Variants in UBAP2L observed in about 807,000 individuals in gnomAD.
The protein encoded by UBAP2L is ubiquitin associated protein 2 like, also known as ubiquitin-associated protein 2-like.
UBAP2L carries 12 observed loss-of-function variants against 130.6 expected under a neutral mutation model. The observed-to-expected ratio is 0.09, with a 90% CI of 0.06 to 0.15. The LOEUF is 0.15. UBAP2L is among the 10% of genes least tolerant of loss of function. UBAP2L has a pLI of 1.00. For missense variants in UBAP2L, 965 were observed against 1,332.5 expected (o/e 0.72, Z 4.29); for synonymous variants, 503 against 524.7 (o/e 0.96, Z 0.57).
chr1:154,239,041 G>A (rs557978083), intron 8 of UBAP2L, among the ~76,000 whole-genome samples: 3 of 151,332 alleles, frequency 2.0e-5, no homozygotes, highest in African/African-American at 4.8e-5. Context: ...ACGCCTGGTC[G>A]TTGTTAATTT....
At chr1:154,243,915 AAGTC>A (rs1185331806) in intron 10 of UBAP2L, among the ~76,000 whole-genome samples, 3 of 152,250 alleles carry the variant, frequency 2.0e-5, no homozygotes, top group African/African-American at 7.2e-5. Flanking sequence ...GTTTTGAAGT[AAGTC>A]AGGGAAAGAA....
intron 19 of UBAP2L, 25 bp downstream of exon 19, chr1:154,257,283 T>C (rs745733564): frequency 3.1e-6 from 5 of 1,614,192 alleles, no homozygotes; most frequent in Non-Finnish European, 4.2e-6. Flanking sequence ...GCAGATGGCA[T>C]TCCTCTGGGA....
chr1:154,226,088 A>G (rs1452585219), intron 2 of UBAP2L, among the ~76,000 whole-genome samples: 2 of 152,220 alleles, frequency 1.3e-5, no homozygotes, highest in Non-Finnish European at 2.9e-5. Context: ...TACTGGGATT[A>G]TAGGCATGAG....
intron 26 of UBAP2L, chr1:154,269,255 C>A: frequency 8.6e-7 from 1 of 1,168,608 alleles, no homozygotes; most frequent in Non-Finnish European, 1.2e-6. Flanking sequence ...CCTCTTTCCT[C>A]TCCCAGCCTT....
intron 20 of UBAP2L, 179 bp from the exon 21 acceptor site, chr1:154,258,798 C>T: frequency 1.9e-6 from 1 of 540,140 alleles, no homozygotes; most frequent in Non-Finnish European, 3.3e-6. Flanking sequence ...TTTCATGAAT[C>T]ATTTAATCTC....
chr1:154,263,284 T>C lies in UBAP2L; in HGVS notation c.2902+1587T>C. ...GGCCTGCGTGGCTTGGGGAAATGAG[T>C]TGGTGGATACCTTCTGGGCTTTTGA... On this transcript the variant is annotated intron_variant, in intron 24 of 26. Transcript: ENST00000428931. The C allele has an allele frequency of 1.3e-6, 2 of 1,487,884 alleles. 1 individual carries two copies. The highest frequency in any genetic ancestry group is 2.7e-5 in the South Asian group (2 of 74,452). 92.2% of individuals were successfully genotyped at this position (1,487,884 alleles called of 1,614,324 possible). A position where few individuals can be genotyped will look rare whatever the true frequency, so the allele number is the denominator to read the frequency against.
chr1:154,254,243 T>C (rs1678860583), intron 15 of UBAP2L, among the ~76,000 whole-genome samples, 154 bp downstream of exon 15: 1 of 152,230 alleles, frequency 6.6e-6, no homozygotes, highest in Non-Finnish European at 1.5e-5. Context: ...GGCTAGTGAA[T>C]TAAAAGTTCT....
intron 3 of UBAP2L, among the ~76,000 whole-genome samples, chr1:154,228,275 C>T (rs1668641340): frequency 6.6e-6 from 1 of 151,934 alleles, no homozygotes; most frequent in Non-Finnish European, 1.5e-5. Context: ...GCAACCTCCG[C>T]CTCCTGGGTT....
intron 10 of UBAP2L, 42 bp from the exon 11 acceptor site, chr1:154,246,161 TG>T: frequency 6.5e-7 from 1 of 1,534,734 alleles, no homozygotes; most frequent in Non-Finnish European, 8.8e-7. Context: ...AATGTTAGCG[TG>T]TTCAGTCATT....
intron 12 of UBAP2L, 120 bp downstream of exon 12, chr1:154,249,557 T>A: frequency 2.5e-6 from 3 of 1,183,834 alleles, no homozygotes; most frequent in Non-Finnish European, 3.6e-6. Flanking sequence ...GCTAGTTGGT[T>A]ACCTTCCCAC....
At chr1:154,243,990 A>G (rs894460406) in intron 10 of UBAP2L, among the ~76,000 whole-genome samples, 1 of 152,202 alleles carries the variant, frequency 6.6e-6, no homozygotes, top group Non-Finnish European at 1.5e-5. Context: ...TCAGCAGTTT[A>G]TTCTCCTGTT....
At chr1:154,261,219 T>G (rs1454257969) in intron 23 of UBAP2L, 110 bp downstream of exon 23, 2 of 1,280,470 alleles carry the variant, frequency 1.6e-6, no homozygotes, top group Admixed American at 5.2e-5. Flanking sequence ...GAGGAACAGT[T>G]TCCACCTCTG....
At chr1:154,266,383 C>T (rs764768736) in intron 24 of UBAP2L, 118 bp from the exon 25 acceptor site, 21 of 1,102,004 alleles carry the variant, frequency 1.9e-5, no homozygotes, top group Non-Finnish European at 2.4e-5. Flanking sequence ...GCTGGAAAAC[C>T]GACCAAAATT....
intron 21 of UBAP2L, 169 bp from the exon 22 acceptor site, chr1:154,259,779 A>G (rs1680925781): frequency 3.8e-6 from 3 of 788,438 alleles, no homozygotes; most frequent in Non-Finnish European, 6.7e-6. Context: ...CAGGGGGGAC[A>G]GTGTATGCAA....
intron 1 of UBAP2L, among the ~76,000 whole-genome samples, chr1:154,224,675 C>T (rs1024213117): frequency 2.0e-5 from 3 of 152,208 alleles, no homozygotes; most frequent in African/African-American, 4.8e-5. Flanking sequence ...AAAATTATTT[C>T]TCTGGAGTGT....
chr1:154,251,710 C>G, intron 14 of UBAP2L, 57 bp downstream of exon 14: 1 of 1,592,260 alleles, frequency 6.3e-7, no homozygotes, highest in Non-Finnish European at 8.6e-7. Context: ...CTTTTTTAAT[C>G]TGTGGGAGAT....
chr1:154,246,296 A>G lies in UBAP2L; in HGVS notation c.935A>G (p.Gln312Arg), dbSNP rs768081640. 1 of 1,613,850 alleles carries G rather than the reference A, an allele frequency of 6.2e-7. No homozygotes were observed. Among genetic ancestry groups the G allele is most frequent in the Non-Finnish European group, 8.5e-7 (1 of 1,179,940 alleles). ...LDPSQAPSLA[Q>R]PLVFSNSKQT... The stretch of plus-strand genomic sequence containing the variant: ...CCGTCTCAGGCTCCTTCTCTGGCCC[A>G]GCCTCTGGTGTTCAGTAATTCGAAG... Residue 312 changes from glutamine (Q) to arginine (R), a missense_variant, in exon 11 of 27, where the codon CAG becomes CGG. By Grantham distance (43) the Gln-to-Arg change is conservative (BLOSUM62 1). Coordinates refer to ENST00000428931, the MANE Select transcript of UBAP2L (RefSeq NM_014847.4).
At chr1:154,250,915 A>G in intron 12 of UBAP2L, 126 bp from the exon 13 acceptor site, 1 of 977,942 alleles carries the variant, frequency 1.0e-6, no homozygotes, top group South Asian at 1.8e-5. Flanking sequence ...TAAGCCCCAA[A>G]AGAGGGCCTG....
chr1:154,228,466 C>G (rs952127147), intron 3 of UBAP2L, 149 bp from the exon 4 acceptor site: 2 of 559,908 alleles, frequency 3.6e-6, no homozygotes, highest in South Asian at 4.0e-5. Flanking sequence ...GGATTATAGG[C>G]GTGAGCCACT....
Sources: gnomAD v4.1 joint callset for allele counts (sites outside exome capture counted in the v4.1 genomes callset) on GRCh38, gnomAD v4.1.1 for gene constraint, MANE v1.5 for transcripts, NCBI Gene and HGNC (gene_info 2026-07-23, HGNC 2026-07-21) for gene names.